The following TFF2 variants were observed in gnomAD, a reference collection of about 807,000 sequenced individuals.
TFF2 encodes spasmolysin.
Under a neutral mutation model 16.0 loss-of-function variants are expected in TFF2, and 19 were observed. The observed-to-expected ratio is 1.19, with a 90% CI of 0.83 to 1.74. The LOEUF (loss-of-function observed/expected upper bound fraction) is 1.74. TFF2 is among the 40% of genes most tolerant of loss of function. The pLI is 0.00. For synonymous variants in TFF2, 61 were observed against 65.4 expected, an observed-to-expected ratio of 0.93 and a Z score of 0.32; for missense variants, 168 against 166.8, an observed-to-expected ratio of 1.01 and a Z score of -0.04.
At position 42,347,592 on chromosome 21, in the gene TFF2, G is replaced by A; in HGVS notation, c.270C>T (p.Asn90=). 6.2e-7 allele frequency: 1 copy of A among 1,614,228 alleles called. No homozygotes were observed. Among genetic ancestry groups the A allele is most frequent in the Non-Finnish European group, 8.5e-7 (1 of 1,180,042 alleles). The change falls in exon 3 of 4, where the codon AAC becomes AAT. Residue 90 remains asparagine, a synonymous_variant. Coordinates refer to ENST00000291526, the MANE Select transcript of TFF2 (RefSeq NM_005423.5). ...CGGGGCTGATGCCCGGGTAGCCACA[G>A]TTTCTTCGGTCTGAGACCTCCATGA... The part of the protein sequence containing the change: ...QCVMEVSDRR[N]CGYPGISPEE...
intron 1 of TFF2, chr21:42,350,258 G>T: frequency 8.9e-7 from 1 of 1,117,844 alleles, no homozygotes; most frequent in Non-Finnish European, 1.1e-6. Context: ...CAGGCATGGT[G>T]GCTCATACCT....
chr21:42,346,489 G>A lies in TFF2; in HGVS notation c.*44C>T, dbSNP rs371856356. On this transcript the variant is annotated 3_prime_UTR_variant, in exon 4 of 4. Coordinates refer to ENST00000291526, the MANE Select transcript of TFF2 (RefSeq NM_005423.5). ...AAGGCGAAGTTTCTTCTTTGGTTTC[G>A]GAACACCCGGTGAGCCAGATGCATC... 8.4e-5 allele frequency: 136 copies of A among 1,612,322 alleles called. No homozygotes were observed. The highest frequency in any genetic ancestry group is 2.0e-4 in the East Asian group (9 of 44,828).
Position 42,349,983 on chromosome 21 carries a change from C to A in TFF2, c.127G>T (p.Gly43Cys). The change falls in exon 2 of 4, where the codon GGC becomes TGC. Residue 43 changes from glycine (G) to cysteine (C), a missense_variant. Transcript: ENST00000291526. ...TGGTCACTGGTGATTCCAGGGAAGC[C>A]GCAGTTCGTCCTGTTATGGGGGCTC... ...RLSPHNRTNC[G>C]FPGITSDQCF... 1 of 1,599,812 alleles carries A rather than the reference C, an allele frequency of 6.3e-7. No homozygotes were observed. The highest frequency in any genetic ancestry group is 8.5e-7 in the Non-Finnish European group (1 of 1,172,940).
intron 2 of TFF2, among the ~76,000 whole-genome samples, chr21:42,348,387 T>C (rs971840803): frequency 6.6e-6 from 1 of 152,150 alleles, no homozygotes; most frequent in African/African-American, 2.4e-5. Flanking sequence ...CATTTCCCCA[T>C]GGAAGCTTCT....
At chr21:42,346,686 T>A (rs2052071147) in intron 3 of TFF2, 140 bp from the exon 4 acceptor site, 3 of 939,170 alleles carry the variant, frequency 3.2e-6, no homozygotes, top group South Asian at 1.8e-5. Flanking sequence ...GGAGGGGGTG[T>A]AAAGGGACCA....
intron 3 of TFF2, 106 bp downstream of exon 3, chr21:42,347,380 G>C: frequency 6.7e-7 from 1 of 1,484,400 alleles, no homozygotes; most frequent in Non-Finnish European, 9.2e-7. Flanking sequence ...TGGCCTCGAT[G>C]GCACTGAGGC....
intron 1 of TFF2, chr21:42,350,236 A>G: frequency 2.4e-6 from 3 of 1,228,778 alleles, no homozygotes; most frequent in Non-Finnish European, 3.1e-6. Context: ...AAAAGGAAAA[A>G]AAAAAAAAAG....
rs73368573 is a variant in TFF2, at chr21:42,346,423, T to G, written c.*110A>C. 2.7e-4 allele frequency: 365 copies of G among 1,345,576 alleles called. No individual in the cohort carries two copies. The African/African-American group carries it at 4.7e-3, about 17-fold the overall frequency. 83.4% of individuals were successfully genotyped at this position (1,345,576 alleles called of 1,614,324 possible). A position where few individuals can be genotyped will look rare whatever the true frequency, so the allele number is the denominator to read the frequency against. Reference sequence around the variant, plus strand: ...TAAACCATTGAAAATGAGGAAAAGATGGTTAAGAAAACCCAGGATTTCATG... The same window carrying G: ...TAAACCATTGAAAATGAGGAAAAGAGGGTTAAGAAAACCCAGGATTTCATG... On this transcript the variant is annotated 3_prime_UTR_variant, in exon 4 of 4. Coordinates refer to ENST00000291526, the MANE Select transcript of TFF2 (RefSeq NM_005423.5).
intron 1 of TFF2, among the ~76,000 whole-genome samples, chr21:42,350,549 A>G (rs1601493734): frequency 2.0e-5 from 3 of 152,302 alleles, no homozygotes. Flanking sequence ...AAACAAAAAC[A>G]AAACCCTCCT....
chr21:42,346,674 G>A (rs375797363), intron 3 of TFF2, 128 bp from the exon 4 acceptor site: 12 of 1,080,028 alleles, frequency 1.1e-5, no homozygotes, highest in African/African-American at 8.1e-5. Flanking sequence ...CTCCTTTCCC[G>A]GGGAGGGGGT....
intron 3 of TFF2, among the ~76,000 whole-genome samples, chr21:42,346,966 T>C (rs1351994525): frequency 6.6e-6 from 1 of 152,194 alleles, no homozygotes; most frequent in Non-Finnish European, 1.5e-5. Context: ...ACACTATCAC[T>C]AAGCGGGTGG....
In TFF2 at chr21:42,350,064, T is replaced by C. The variant is rs115758840; in HGVS notation, c.80-34A>G. The stretch of plus-strand genomic sequence containing the variant: ...AGACCCTCAGTCGGCCCCACCCTGG[T>C]ACCCCAGACCACACTGCTCCTTCTC... On this transcript the variant is annotated intron_variant, in intron 1 of 3. Coordinates refer to ENST00000291526, the MANE Select transcript of TFF2 (RefSeq NM_005423.5). 1,193 of 1,575,656 alleles carry C rather than the reference T, an allele frequency of 7.6e-4. 9 individuals are homozygous for C. The African/African-American group carries it at 0.014, about 18-fold the overall frequency.
Position 42,350,922 on chromosome 21 carries a change from G to A in TFF2, c.36C>T (p.Leu12=), listed in dbSNP as rs1338249930. The change falls in exon 1 of 4, where the codon CTC becomes CTT. Residue 12 remains leucine, a synonymous_variant. Transcript: ENST00000291526. ...CCAGGGCACATAGCCCCAGGACGAG[G>A]AGCGCTGCCAGGAGCTGGGCGTCTC... ...GRRDAQLLAA[L]LVLGLCALAG... The A allele has an allele frequency of 6.2e-7, 1 of 1,613,944 alleles. No individual in the cohort carries two copies. Among genetic ancestry groups the A allele is most frequent in the Non-Finnish European group, 8.5e-7 (1 of 1,179,928 alleles).
intron 2 of TFF2, 62 bp downstream of exon 2, chr21:42,349,819 G>C: frequency 6.7e-7 from 1 of 1,499,442 alleles, no homozygotes; most frequent in Non-Finnish European, 9.0e-7. Context: ...TCTGGGCTCC[G>C]CCTGTGAAGC....
chr21:42,347,682 C>T (rs1266127285), intron 2 of TFF2, 50 bp from the exon 3 acceptor site: 1 of 1,597,136 alleles, frequency 6.3e-7, no homozygotes, highest in Non-Finnish European at 8.5e-7. Flanking sequence ...CTGCTGTGCC[C>T]TGGAAAGCTC....
Position 42,350,878 on chromosome 21 carries a change from C to G in TFF2, c.79+1G>C. Reference sequence around the variant, plus strand: ...ATAAAAAGACCCTCTCCTTCACTTACAGGGTTTCTCACTCCCCGCCAGGGC... The same window carrying G: ...ATAAAAAGACCCTCTCCTTCACTTAGAGGGTTTCTCACTCCCCGCCAGGGC... On this transcript the variant is annotated splice_donor_variant, in intron 1 of 3. Transcript: ENST00000291526. LOFTEE classifies it high-confidence loss of function. 1 of 1,611,166 alleles carries G rather than the reference C, an allele frequency of 6.2e-7. No homozygotes were observed. The highest frequency in any genetic ancestry group is 8.5e-7 in the Non-Finnish European group (1 of 1,178,992).
chr21:42,348,544 C>T (rs558871023), intron 2 of TFF2, among the ~76,000 whole-genome samples: 1 of 152,306 alleles, frequency 6.6e-6, no homozygotes, highest in East Asian at 1.9e-4. Context: ...AAATTTTCAT[C>T]TCACTGTTGG....
intron 2 of TFF2, among the ~76,000 whole-genome samples, chr21:42,348,000 T>C (rs1481128080): frequency 6.6e-6 from 1 of 152,182 alleles, no homozygotes; most frequent in African/African-American, 2.4e-5. Context: ...CGGGCCAAGA[T>C]GAGAAAAGGT....
chr21:42,350,017 G>A lies in TFF2; in HGVS notation c.93C>T (p.Cys31=), dbSNP rs773168999. The A allele has an allele frequency of 4.4e-6, 7 of 1,599,070 alleles. No individual in the cohort carries two copies. The highest frequency in any genetic ancestry group is 6.0e-6 in the Non-Finnish European group (7 of 1,172,744). Residue 31 remains cysteine, a synonymous_variant, in exon 2 of 4, where the codon TGC becomes TGT. Coordinates refer to ENST00000291526, the MANE Select transcript of TFF2 (RefSeq NM_005423.5). ...AGSEKPSPCQ[C]SRLSPHNRTN... ...TCCTGTTATGGGGGCTCAGCCTGGA[G>A]CACTGGCAGGGGGCTGTGGAAAGAC...
Sources: gnomAD v4.1 joint callset for allele counts (sites outside exome capture counted in the v4.1 genomes callset) on GRCh38, gnomAD v4.1.1 for gene constraint, MANE v1.5 for transcripts, NCBI Gene and HGNC (gene_info 2026-07-23, HGNC 2026-07-21) for gene names.